The following CDH12 variants were observed in gnomAD, a reference collection of about 807,000 sequenced individuals.
CDH12 encodes cadherin-12.
CDH12 carries 41 observed loss-of-function variants against 74.1 expected under a neutral mutation model. That is an observed-to-expected ratio of 0.55 (90% CI 0.43 to 0.72). The LOEUF is 0.72. Ranked by LOEUF, CDH12 falls within the 30% of genes least tolerant of loss-of-function variation. CDH12 has a pLI of 0.00. For synonymous variants in CDH12, 399 were observed against 355.0 expected, an observed-to-expected ratio of 1.12 and a Z score of -1.39; for missense variants, 945 against 977.2, an observed-to-expected ratio of 0.97 and a Z score of 0.44.
At chr5:21,852,844 A>T (rs1750544363) in intron 7 of CDH12, among the ~76,000 whole-genome samples, 1 of 151,370 alleles carries the variant, frequency 6.6e-6, no homozygotes, top group Non-Finnish European at 1.5e-5. Flanking sequence ...GATCTAAGAG[A>T]ACAGCATTGT....
intron 3 of CDH12, among the ~76,000 whole-genome samples, chr5:22,330,986 C>T (rs939152186): frequency 6.6e-5 from 10 of 152,032 alleles, no homozygotes; most frequent in Admixed American, 5.2e-4. Flanking sequence ...GGCCTTTGGG[C>T]TTCAGGTGAA....
At chr5:21,996,105 GTTTTTTT>G (rs61516659) in intron 5 of CDH12, among the ~76,000 whole-genome samples, 15 of 113,550 alleles carry the variant, frequency 1.3e-4, no homozygotes, top group East Asian at 3.0e-4. Flanking sequence ...TCACACACAC[GTTTTTTT>G]TTTTTTTTTT....
intron 6 of CDH12, chr5:21,889,820 A>G: frequency 2.0e-6 from 2 of 985,316 alleles, no homozygotes; most frequent in Non-Finnish European, 2.4e-6. Context: ...ATGATGAAGA[A>G]CAGCTGCCTT....
intron 1 of CDH12, among the ~76,000 whole-genome samples, chr5:22,702,077 A>G (rs192993790): frequency 7.9e-5 from 12 of 152,150 alleles, no homozygotes. Flanking sequence ...TTACATCATC[A>G]TTGTCTAGAG....
intron 1 of CDH12, among the ~76,000 whole-genome samples, chr5:22,590,793 G>C (rs1371105259): frequency 4.6e-5 from 7 of 152,108 alleles, no homozygotes; most frequent in Admixed American, 1.3e-4. Flanking sequence ...GGGCCTATTT[G>C]CAGGTCTGTT....
At chr5:21,822,317 G>C (rs1268183998) in intron 8 of CDH12, among the ~76,000 whole-genome samples, 1 of 148,478 alleles carries the variant, frequency 6.7e-6, no homozygotes, top group African/African-American at 2.5e-5. Flanking sequence ...ATAGGAAACT[G>C]TCTATAGAGG....
chr5:22,328,615 A>G (rs1424331569), intron 3 of CDH12, among the ~76,000 whole-genome samples: 1 of 152,232 alleles, frequency 6.6e-6, no homozygotes, highest in East Asian at 1.9e-4. Flanking sequence ...GCATAGAAGC[A>G]GATTGGAGAG....
chr5:21,868,446 A>G (rs1429960664), intron 6 of CDH12, among the ~76,000 whole-genome samples: 1 of 151,964 alleles, frequency 6.6e-6, no homozygotes, highest in Non-Finnish European at 1.5e-5. Flanking sequence ...TAGGCATAAG[A>G]CTCTAGCCCT....
chr5:22,568,565 G>A (rs944305767), intron 1 of CDH12, among the ~76,000 whole-genome samples: 7 of 151,986 alleles, frequency 4.6e-5, no homozygotes, highest in Non-Finnish European at 1.0e-4. Context: ...ACAGAATGAC[G>A]TATATATATG....
At chr5:22,529,221 AGAGAAGAG>A (rs1737471441) in intron 1 of CDH12, among the ~76,000 whole-genome samples, 1 of 142,318 alleles carries the variant, frequency 7.0e-6, no homozygotes, top group African/African-American at 2.6e-5. Context: ...AGAGAGAGAG[AGAGAAGAG>A]AGAGAGAGAG....
At chr5:21,774,246 G>C (rs773511500) in intron 11 of CDH12, among the ~76,000 whole-genome samples, 4 of 152,120 alleles carry the variant, frequency 2.6e-5, no homozygotes, top group African/African-American at 7.2e-5. Flanking sequence ...GAACGTGGAA[G>C]GAATAAGCTC....
intron 10 of CDH12, among the ~76,000 whole-genome samples, chr5:21,797,698 A>G (rs1227919825): frequency 6.6e-6 from 1 of 152,148 alleles, no homozygotes; most frequent in Non-Finnish European, 1.5e-5. Flanking sequence ...AAACACACTT[A>G]CAGCAGGAGA....
intron 2 of CDH12, among the ~76,000 whole-genome samples, chr5:22,462,350 T>A (rs1745556368): frequency 6.6e-6 from 1 of 152,176 alleles, no homozygotes; most frequent in Non-Finnish European, 1.5e-5. Flanking sequence ...GCCTATTGAA[T>A]GTGCCTGTGA....
intron 1 of CDH12, among the ~76,000 whole-genome samples, chr5:22,571,930 T>C (rs1739561993): frequency 6.6e-6 from 1 of 152,182 alleles, no homozygotes; most frequent in Non-Finnish European, 1.5e-5. Flanking sequence ...TATAATAGTA[T>C]TTAAAAAGTT....
chr5:21,759,148 A>T (rs965382255), intron 13 of CDH12, among the ~76,000 whole-genome samples: 14 of 151,780 alleles, frequency 9.2e-5, no homozygotes, highest in East Asian at 7.7e-4. Context: ...AAATTAAATT[A>T]AAAAAAGTTG....
At chr5:21,817,530 T>C (rs1369932363) in intron 8 of CDH12, among the ~76,000 whole-genome samples, 1 of 151,952 alleles carries the variant, frequency 6.6e-6, no homozygotes, top group Non-Finnish European at 1.5e-5. Flanking sequence ...AGATAGATGA[T>C]AGATAGATGA....
chr5:21,888,400 A>G (rs1752741171), intron 6 of CDH12, among the ~76,000 whole-genome samples: 1 of 152,154 alleles, frequency 6.6e-6, no homozygotes, highest in Non-Finnish European at 1.5e-5. Flanking sequence ...GGAGATAAAT[A>G]GCATCTACTT....
intron 2 of CDH12, among the ~76,000 whole-genome samples, chr5:22,468,542 C>T (rs1745826984): frequency 6.6e-6 from 1 of 152,050 alleles, no homozygotes; most frequent in Admixed American, 6.5e-5. Context: ...ATACCAGTCC[C>T]CTTCTTGAGA....
In CDH12 at chr5:21,975,371, T is replaced by C. The variant is rs1757025148; in HGVS notation, c.246A>G (p.Leu82=). ...ATTTCACAGTGCCCTCTCCCTTGTC[T>C]AAGTCGGAATGGAGCTTTAGGGAAG... is the stretch of plus-strand genomic sequence containing the variant. The part of the protein sequence containing the change: ...PQYVGKLHSD[L]DKGEGTVKYT... The change falls in exon 6 of 15, where the codon TTA becomes TTG. Residue 82 remains leucine (L), a synonymous_variant. Coordinates refer to ENST00000382254, the MANE Select transcript of CDH12 (RefSeq NM_004061.5). 6.3e-7 allele frequency: 1 copy of C among 1,592,160 alleles called. No individual in the cohort carries two copies. Among genetic ancestry groups the C allele is most frequent in the South Asian group, 1.1e-5 (1 of 90,126 alleles).
Sources: gnomAD v4.1 joint callset for allele counts (sites outside exome capture counted in the v4.1 genomes callset) on GRCh38, gnomAD v4.1.1 for gene constraint, MANE v1.5 for transcripts, NCBI Gene and HGNC (gene_info 2026-07-23, HGNC 2026-07-21) for gene names.